Variants in ZNF536 observed in about 807,000 individuals in gnomAD.
ZNF536 encodes the protein zinc finger protein 536.
In ZNF536, 13 loss-of-function variants were observed where a neutral mutation model predicts 84.5. That is an observed-to-expected ratio of 0.15 (90% CI 0.10 to 0.24). The LOEUF (loss-of-function observed/expected upper bound fraction) is 0.24, where lower values mean the gene tolerates loss of function less well. Among genes scored for constraint, ZNF536 ranks in the 10% least tolerant of loss-of-function variants. ZNF536 has a pLI of 1.00. For missense variants in ZNF536, 1,536 were observed against 1,747.5 expected, an observed-to-expected ratio of 0.88 and a Z score of 2.16; for synonymous variants, 811 against 742.5, an observed-to-expected ratio of 1.09 and a Z score of -1.50.
At chr19:30,264,012 G>T (rs2025364515) in intron 1 of ZNF536, among the ~76,000 whole-genome samples, 1 of 152,202 alleles carries the variant, frequency 6.6e-6, no homozygotes, top group Admixed American at 6.5e-5. Context: ...GCAGCCTGGT[G>T]AACTTGAAAG....
intron 2 of ZNF536, among the ~76,000 whole-genome samples, chr19:30,466,771 A>G (rs369580178): frequency 4.4e-4 from 53 of 121,550 alleles, no homozygotes; most frequent in African/African-American, 1.4e-3. Flanking sequence ...GAAGGAAGGA[A>G]GGAAGGAAGG....
chr19:30,705,285 C>A (rs1206072982), intron 1 of ZNF536, among the ~76,000 whole-genome samples: 2 of 151,456 alleles, frequency 1.3e-5, no homozygotes, highest in Non-Finnish European at 2.9e-5. Flanking sequence ...CTCATGGGAG[C>A]CTTTCAGCAA....
At chr19:30,553,925 G>A (rs1206491219) in intron 4 of ZNF536, 1 of 152,234 alleles carries the variant, frequency 6.6e-6, no homozygotes, top group Non-Finnish European at 1.5e-5. Flanking sequence ...GGGCCTGGGA[G>A]GAAGTGAGGG....
At chr19:30,535,647 G>T (rs73026738) in intron 3 of ZNF536, among the ~76,000 whole-genome samples, 1 of 151,928 alleles carries the variant, frequency 6.6e-6, no homozygotes, top group African/African-American at 2.4e-5. Flanking sequence ...AGGACTGGCT[G>T]GCAACAGGGA....
chr19:30,489,309 G>A (rs2054416485), intron 2 of ZNF536, among the ~76,000 whole-genome samples: 1 of 152,216 alleles, frequency 6.6e-6, no homozygotes, highest in Non-Finnish European at 1.5e-5. Context: ...GCTGAGGTGT[G>A]GTGCTCAGGC....
At chr19:30,556,920 T>G in intron 4 of ZNF536, 1 of 457,404 alleles carries the variant, frequency 2.2e-6, no homozygotes, top group Non-Finnish European at 3.8e-6. Context: ...TAAGCAGTAA[T>G]TATCTCCTAT....
At chr19:30,446,841 A>AACAACAC (rs2052375409) in intron 2 of ZNF536, among the ~76,000 whole-genome samples, 1 of 146,956 alleles carries the variant, frequency 6.8e-6, no homozygotes, top group Non-Finnish European at 1.5e-5. Flanking sequence ...AACAACAACA[A>AACAACAC]AACACGCTAG....
intron 2 of ZNF536, among the ~76,000 whole-genome samples, chr19:30,489,189 C>G (rs928368488): frequency 5.9e-5 from 9 of 152,172 alleles, no homozygotes; most frequent in African/African-American, 2.2e-4. Flanking sequence ...CTCAATTCAA[C>G]AGGGAACAGA....
rs542338510 is a variant in ZNF536 at position 30,254,532 on chromosome 19, T to C, written c.-190+25859T>C. On this transcript the variant is annotated intron_variant, in intron 1 of 5. Transcript: ENST00000585628. Reference sequence around the variant, plus strand: ...GGGTAGAGAACCTTTGATTTTTTTTTTTTTTTTAAAGTCTCTTCCAGAGAG... The same window carrying C: ...GGGTAGAGAACCTTTGATTTTTTTTCTTTTTTTAAAGTCTCTTCCAGAGAG... 6.1e-4 allele frequency among the ~76,000 whole-genome samples: 92 copies of C among 151,796 alleles called. 1 individual carries two copies. Among genetic ancestry groups the C allele is most frequent in the African/African-American group, 2.2e-3 (89 of 41,354 alleles).
chr19:30,606,252 T>TA (rs1156875238), intron 1 of ZNF536, among the ~76,000 whole-genome samples: 3,336 of 65,512 alleles, frequency 0.051, 145 homozygotes, highest in Non-Finnish European at 0.07. Context: ...TAAAATAAAA[T>TA]AAATAAAATA....
intron 3 of ZNF536, among the ~76,000 whole-genome samples, chr19:30,545,650 G>A (rs1468144253): frequency 6.6e-6 from 1 of 151,908 alleles, no homozygotes; most frequent in Non-Finnish European, 1.5e-5. Flanking sequence ...TCTTGCCTCG[G>A]CCTCCCAAAG....
chr19:30,593,263 T>C (rs1002317681), intron 1 of ZNF536, among the ~76,000 whole-genome samples: 1 of 152,122 alleles, frequency 6.6e-6, no homozygotes, highest in South Asian at 2.1e-4. Context: ...CCTTGCGCTG[T>C]GACCAAAACC....
chr19:30,355,699 G>C (rs2048071926), intron 3 of ZNF536, among the ~76,000 whole-genome samples: 3 of 152,092 alleles, frequency 2.0e-5, no homozygotes. Flanking sequence ...TGTCAAGCAG[G>C]AGCTGAGCTG....
rs2148206140 is a variant in ZNF536 at position 30,444,969 on chromosome 19, G to A, written c.1407G>A (p.Leu469=). Reference sequence around the variant, plus strand: ...AGGAGAAGGAAGCGCTGGGGAAGCTGCTGTCTCCCATCTCCAGCATGGCCC... The same window carrying A: ...AGGAGAAGGAAGCGCTGGGGAAGCTACTGTCTCCCATCTCCAGCATGGCCC... ...PMKEKEALGK[L]LSPISSMAHG... The change falls in exon 2 of 5, where the codon CTG becomes CTA. Residue 469 remains leucine (L), a synonymous_variant. Transcript: ENST00000355537. 2 of 1,611,564 alleles carry A rather than the reference G, an allele frequency of 1.2e-6. No individual in the cohort carries two copies. The highest frequency in any genetic ancestry group is 1.1e-5 in the South Asian group (1 of 90,816).
In ZNF536 at chr19:30,548,080, C is replaced by G. The variant is rs1251702876; in HGVS notation, c.2461C>G (p.His821Asp). ...GTCTGGGCAACCCCCAAATCAAGAC[C>G]ACAAGGATGAGATGTCAAGCAAAGC... ...PLSGQPPNQD[H>D]KDEMSSKASL... The change falls in exon 4 of 5, where the codon CAC (histidine) becomes GAC (aspartate). Residue 821 changes from histidine to aspartate, a missense_variant. Transcript: ENST00000355537. The G allele has an allele frequency of 6.2e-7, 1 of 1,614,028 alleles. No individual in the cohort carries two copies. Among genetic ancestry groups the G allele is most frequent in the Admixed American group, 1.7e-5 (1 of 60,000 alleles).
chr19:30,699,831 A>G (rs980548957), intron 1 of ZNF536, among the ~76,000 whole-genome samples: 1 of 152,110 alleles, frequency 6.6e-6, no homozygotes, highest in South Asian at 2.1e-4. Flanking sequence ...GAGGGGCTTC[A>G]AGGTCCCCAA....
chr19:30,233,339 CTT>C (rs375462948), intron 1 of ZNF536, among the ~76,000 whole-genome samples: 39 of 143,394 alleles, frequency 2.7e-4, no homozygotes, highest in Admixed American at 3.5e-4. Context: ...ATAATGATAC[CTT>C]TTTTTTTTTT....
chr19:30,231,748 G>T (rs1446882811), intron 1 of ZNF536, among the ~76,000 whole-genome samples: 1 of 152,268 alleles, frequency 6.6e-6, no homozygotes, highest in East Asian at 1.9e-4. Context: ...TGGTCAGAAT[G>T]CGCTAAGCCA....
intron 1 of ZNF536, among the ~76,000 whole-genome samples, chr19:30,704,329 T>C (rs1244831646): frequency 6.6e-6 from 1 of 152,160 alleles, no homozygotes; most frequent in East Asian, 1.9e-4. Flanking sequence ...ACAGGCAACA[T>C]GGCTGGTCTT....
Sources: gnomAD v4.1 joint callset for allele counts (sites outside exome capture counted in the v4.1 genomes callset) on GRCh38, gnomAD v4.1.1 for gene constraint, MANE v1.5 for transcripts, NCBI Gene and HGNC (gene_info 2026-07-23, HGNC 2026-07-21) for gene names.